PDE4D: variants seen among roughly 807,000 people sequenced by gnomAD.
The protein encoded by PDE4D is phosphodiesterase 4D.
PDE4D carries 24 observed loss-of-function variants against 87.4 expected under a neutral mutation model. The ratio of observed to expected loss-of-function variants is 0.27; its 90% CI spans 0.20 to 0.39. PDE4D has a LOEUF of 0.39. Ranked by LOEUF, PDE4D falls within the 10% of genes least tolerant of loss-of-function variation. The pLI is 1.00. For missense variants in PDE4D, 714 were observed against 1,041.0 expected, an observed-to-expected ratio of 0.69 and a Z score of 4.32; for synonymous variants, 384 against 383.2, an observed-to-expected ratio of 1.00 and a Z score of -0.02.
intron 5 of PDE4D, among the ~76,000 whole-genome samples, chr5:59,151,036 G>A (rs1181158113): frequency 6.6e-6 from 1 of 152,142 alleles, no homozygotes; most frequent in Non-Finnish European, 1.5e-5. Flanking sequence ...GAAGTTTCAG[G>A]TGCCTAGAAC....
intron 3 of PDE4D, among the ~76,000 whole-genome samples, chr5:59,929,439 CT>C (rs1755647751): frequency 1.3e-5 from 2 of 152,092 alleles, no homozygotes; most frequent in African/African-American, 4.8e-5. Flanking sequence ...TTTGATTCAA[CT>C]TTAAAAAGTA....
intron 1 of PDE4D, among the ~76,000 whole-genome samples, chr5:59,220,981 A>C (rs1752427679): frequency 6.6e-6 from 1 of 152,120 alleles, no homozygotes; most frequent in South Asian, 2.1e-4. Context: ...AATAACAATA[A>C]AACTTCTGGA....
intron 2 of PDE4D, among the ~76,000 whole-genome samples, chr5:59,993,491 A>G (rs1276295325): frequency 3.3e-5 from 5 of 152,216 alleles, no homozygotes; most frequent in African/African-American, 1.2e-4. Flanking sequence ...TAATGACACA[A>G]TGTTGAGTGG....
At chr5:59,768,575 C>T in intron 1 of PDE4D, 1 of 1,579,836 alleles carries the variant, frequency 6.3e-7, no homozygotes, top group Non-Finnish European at 8.6e-7. Flanking sequence ...CTCACGGTCC[C>T]GGAAATGTCC....
intron 1 of PDE4D, among the ~76,000 whole-genome samples, chr5:59,445,835 A>G (rs1798263502): frequency 6.6e-6 from 1 of 152,196 alleles, no homozygotes; most frequent in African/African-American, 2.4e-5. Context: ...CTCACAATAT[A>G]ATTTCTTTTT....
At chr5:59,048,530 T>C in intron 5 of PDE4D, among the ~76,000 whole-genome samples, 1 of 152,352 alleles carries the variant, frequency 6.6e-6, no homozygotes, top group African/African-American at 2.4e-5. Context: ...AGGTTGTTCA[T>C]TATAGTTAGC....
At chr5:60,151,155 T>G (rs1400942223) in intron 2 of PDE4D, among the ~76,000 whole-genome samples, 1 of 152,170 alleles carries the variant, frequency 6.6e-6, no homozygotes, top group Non-Finnish European at 1.5e-5. Flanking sequence ...CATCTCAATG[T>G]GATAAGTGTA....
chr5:60,181,261 T>A (rs544518181), intron 2 of PDE4D, among the ~76,000 whole-genome samples: 149 of 152,246 alleles, frequency 9.8e-4, no homozygotes, highest in African/African-American at 3.4e-3. Flanking sequence ...AAAATATATA[T>A]TTTCTTAAGA....
chr5:59,833,017 A>C (rs1181932652), intron 1 of PDE4D, among the ~76,000 whole-genome samples: 1 of 152,020 alleles, frequency 6.6e-6, no homozygotes, highest in African/African-American at 2.4e-5. Flanking sequence ...TGACAAGTAG[A>C]AGCAGCAGTG....
At chr5:60,086,466 T>G (rs1774544852) in intron 2 of PDE4D, among the ~76,000 whole-genome samples, 1 of 152,214 alleles carries the variant, frequency 6.6e-6, no homozygotes, top group African/African-American at 2.4e-5. Flanking sequence ...AAGAACATTT[T>G]ATGAACTAAT....
intron 1 of PDE4D, chr5:59,275,730 TGAAA>T (rs1764675778): frequency 9.6e-7 from 1 of 1,039,294 alleles, no homozygotes. Context: ...ACCAGCATAG[TGAAA>T]GAGTCACTTG....
At chr5:60,222,166 T>A (rs1744570676) in intron 1 of PDE4D, among the ~76,000 whole-genome samples, 2 of 152,108 alleles carry the variant, frequency 1.3e-5, no homozygotes, top group African/African-American at 4.8e-5. Context: ...CTCTATTGAA[T>A]CATTCACTCC....
intron 1 of PDE4D, among the ~76,000 whole-genome samples, chr5:60,265,452 G>A (rs1750095698): frequency 6.6e-6 from 1 of 152,218 alleles, no homozygotes; most frequent in South Asian, 2.1e-4. Flanking sequence ...TTGGCTAGGA[G>A]ACCTCACCCA....
chr5:59,631,702 G>A (rs1312681612), intron 1 of PDE4D, among the ~76,000 whole-genome samples: 2 of 152,280 alleles, frequency 1.3e-5, no homozygotes, highest in East Asian at 1.9e-4. Context: ...CGTGAGGAAC[G>A]AAGCTACCCA....
At chr5:58,983,281 G>C (rs905493171) in intron 11 of PDE4D, among the ~76,000 whole-genome samples, 19 of 152,252 alleles carry the variant, frequency 1.2e-4, no homozygotes, top group African/African-American at 4.6e-4. Flanking sequence ...GCGACCACAT[G>C]TGTAGGCTGG....
At chr5:59,871,414 G>A (rs1180083194) in intron 1 of PDE4D, among the ~76,000 whole-genome samples, 1 of 152,134 alleles carries the variant, frequency 6.6e-6, no homozygotes, top group Non-Finnish European at 1.5e-5. Context: ...TTGAGACCCT[G>A]AACAGAAAAC....
At chr5:59,721,646 C>A (rs1755846040) in intron 1 of PDE4D, among the ~76,000 whole-genome samples, 1 of 152,020 alleles carries the variant, frequency 6.6e-6, no homozygotes. Context: ...CTACCCTGCC[C>A]CCTAAAAATG....
intron 1 of PDE4D, among the ~76,000 whole-genome samples, chr5:59,333,582 T>C (rs1473995147): frequency 6.6e-6 from 1 of 152,168 alleles, no homozygotes; most frequent in Non-Finnish European, 1.5e-5. Context: ...GGAAGCTTAG[T>C]GTGTCTCTCT....
chr5:59,991,594 T>C (rs943841993), intron 2 of PDE4D, among the ~76,000 whole-genome samples: 1 of 152,102 alleles, frequency 6.6e-6, no homozygotes, highest in African/African-American at 2.4e-5. Flanking sequence ...CAAAAGGTTA[T>C]ACAAAATAAA....
Sources: allele counts gnomAD v4.1 joint callset (sites outside exome capture counted in the v4.1 genomes callset), GRCh38; gene constraint gnomAD v4.1.1; transcripts MANE v1.5; gene names NCBI Gene and HGNC (gene_info 2026-07-23, HGNC 2026-07-21).